Variants in MYH11 observed in about 807,000 individuals in gnomAD.
MYH11 encodes myosin-11.
Under a neutral mutation model 246.6 loss-of-function variants are expected in MYH11, and 80 were observed. The observed-to-expected ratio is 0.32, with a 90% CI of 0.27 to 0.39. The LOEUF (loss-of-function observed/expected upper bound fraction) is 0.39, where lower values mean the gene tolerates loss of function less well. MYH11 is among the 10% of genes least tolerant of loss of function. The pLI, the probability that MYH11 is intolerant of heterozygous loss-of-function variation, is 1.00. For missense variants in MYH11, 2,158 were observed against 2,546.8 expected (o/e 0.85, Z 3.29); for synonymous variants, 1,071 against 1,015.5 (o/e 1.05, Z -1.04).
chr16:15,844,155 G>A (rs1226986568), intron 1 of MYH11, among the ~76,000 whole-genome samples: 2 of 152,140 alleles, frequency 1.3e-5, no homozygotes, highest in East Asian at 1.9e-4. Flanking sequence ...CAGATCTGAC[G>A]CCTGTCTATG....
intron 30 of MYH11, 39 bp downstream of exon 30, chr16:15,724,606 TGA>T (rs1360236324): frequency 6.2e-7 from 1 of 1,612,656 alleles, no homozygotes; most frequent in African/African-American, 1.3e-5. Context: ...GCAGAGAAGT[TGA>T]GAGGACCCAT....
In MYH11 at chr16:15,721,514, A is replaced by C. The variant is rs568507502; in HGVS notation, c.4486T>G (p.Leu1496Val). Reference sequence around the variant, plus strand: ...CGCTCGAGTTCCTCTTTGGCTTCCAAGGCCTCTTCAAGGGCCCGAGCCAGG... The same window carrying C: ...CGCTCGAGTTCCTCTTTGGCTTCCACGGCCTCTTCAAGGGCCCGAGCCAGG... ...LSLARALEEA[L>V]EAKEELERTN... Residue 1496 changes from leucine to valine, a missense_variant, in exon 32 of 41, where the codon TTG becomes GTG. This residue lies in a region of MYH11 where 1,013 missense variants were observed against 993.5 expected (regional missense o/e 1.02). Transcript: ENST00000300036. The C allele has an allele frequency of 1.2e-6, 2 of 1,614,124 alleles. No individual in the cohort carries two copies. The highest frequency in any genetic ancestry group is 2.2e-5 in the South Asian group (2 of 91,080).
chr16:15,715,031 C>T lies in MYH11; in HGVS notation c.5664G>A (p.Glu1888=). Residue 1888 remains glutamate, a synonymous_variant, in exon 40 of 41, where the codon GAG becomes GAA. Transcript: ENST00000300036. ...RVKQLKRQLE[E]AEEESQRINA... Reference sequence around the variant, plus strand: ...TGATGCGCTGGGACTCCTCCTCTGCCTCCTCCAGCTGCCTCTTGAGCTGCT... The same window carrying T: ...TGATGCGCTGGGACTCCTCCTCTGCTTCCTCCAGCTGCCTCTTGAGCTGCT... 2 of 1,613,874 alleles carry T rather than the reference C, an allele frequency of 1.2e-6. No individual in the cohort carries two copies. Among genetic ancestry groups the T allele is most frequent in the East Asian group, 2.2e-5 (1 of 44,876 alleles).
chr16:15,718,159 AGGG>A, intron 37 of MYH11, 153 bp downstream of exon 37: 1 of 1,170,634 alleles, frequency 8.5e-7, no homozygotes, highest in Admixed American at 1.9e-5. Flanking sequence ...CACTGGTGTA[AGGG>A]CCCTGGATCT....
rs772078130 is a variant in MYH11 at position 15,778,816 on chromosome 16, C to T, written c.754G>A (p.Val252Ile). The T allele has an allele frequency of 3.7e-6, 6 of 1,614,076 alleles. No homozygotes were observed. Among genetic ancestry groups the T allele is most frequent in the South Asian group, 3.3e-5 (3 of 91,070 alleles). ...FGKFIRINFD[V>I]TGYIVGANIE... ...TTGGCTCCCACGATGTAACCCGTGA[C>T]GTCGAAGTTGATGCGGATGAATTTG... Residue 252 changes from valine to isoleucine, a missense_variant, in exon 7 of 41, where the codon GTC becomes ATC. Val to Ile is a conservative substitution (Grantham distance 29, BLOSUM62 3). Transcript: ENST00000300036.
chr16:15,829,834 C>T (rs2043681117), intron 2 of MYH11, among the ~76,000 whole-genome samples: 1 of 152,136 alleles, frequency 6.6e-6, no homozygotes, highest in Non-Finnish European at 1.5e-5. Flanking sequence ...GGAACACTGG[C>T]TTTCAGACAC....
intron 14 of MYH11, among the ~76,000 whole-genome samples, chr16:15,755,703 C>T (rs1192328457): frequency 2.0e-5 from 3 of 152,132 alleles, no homozygotes; most frequent in South Asian, 2.1e-4. Context: ...GAGGCCGAGG[C>T]GGGTGGATCA....
intron 11 of MYH11, 100 bp from the exon 12 acceptor site, chr16:15,759,828 T>G: frequency 6.9e-7 from 1 of 1,442,354 alleles, no homozygotes; most frequent in African/African-American, 1.4e-5. Context: ...CCGGGTGCAG[T>G]GACTCACACT....
chr16:15,772,692 G>T (rs866779538), intron 8 of MYH11, among the ~76,000 whole-genome samples: 31 of 152,206 alleles, frequency 2.0e-4, no homozygotes, highest in Middle Eastern at 6.8e-3. Flanking sequence ...GACCAGTACC[G>T]GTCCATGTTA....
rs554671949 is a variant in MYH11 at position 15,726,041 on chromosome 16, T to C, written c.3858+807A>G. On this transcript the variant is annotated intron_variant, in intron 28 of 40. Coordinates refer to ENST00000300036, the MANE Select transcript of MYH11 (RefSeq NM_002474.3). ...TAATTTTTCTACTTACCACAGGGCC[T>C]TTGCACACGCTGTTCCCTCTGCCTG... is the stretch of plus-strand genomic sequence containing the variant. The C allele has an allele frequency of 1.3e-4, 29 of 222,810 alleles. No individual in the cohort carries two copies. In the East Asian group the frequency reaches 2.3e-3, roughly 18 times the overall value. 13.8% of individuals were successfully genotyped at this position (222,810 alleles called of 1,614,324 possible).
chr16:15,768,573 G>A (rs778474599), intron 9 of MYH11, among the ~76,000 whole-genome samples: 4 of 152,146 alleles, frequency 2.6e-5, no homozygotes, highest in East Asian at 1.9e-4. Flanking sequence ...GCACGCCATC[G>A]TCTGAATGCT....
At chr16:15,793,606 T>C (rs1021360214) in intron 4 of MYH11, among the ~76,000 whole-genome samples, 1 of 144,416 alleles carries the variant, frequency 6.9e-6, no homozygotes, top group Non-Finnish European at 1.5e-5. Flanking sequence ...TTTCAGTTTC[T>C]TTTCTTTTCT....
At chr16:15,798,624 CAA>C (rs372435652) in intron 4 of MYH11, 34 bp downstream of exon 4, 20 of 871,008 alleles carry the variant, frequency 2.3e-5, no homozygotes, top group Non-Finnish European at 2.1e-5. Flanking sequence ...AAAAAAAAAA[CAA>C]AAAAAAAACA....
At chr16:15,725,148 AACAC>A (rs34909724) in intron 28 of MYH11, 156 bp from the exon 29 acceptor site, 72 of 608,202 alleles carry the variant, frequency 1.2e-4, no homozygotes, top group South Asian at 2.3e-4. Flanking sequence ...AAAAAAAAAA[AACAC>A]ACACACACAC....
chr16:15,724,821 G>A (rs1293684734), intron 29 of MYH11, 22 bp from the exon 30 acceptor site: 1 of 1,613,662 alleles, frequency 6.2e-7, no homozygotes, highest in Non-Finnish European at 8.5e-7. Context: ...ATGCAAAGAG[G>A]TCCCAGGGAC....
intron 2 of MYH11, among the ~76,000 whole-genome samples, chr16:15,828,247 G>A (rs958952184): frequency 3.3e-5 from 5 of 152,282 alleles, no homozygotes; most frequent in African/African-American, 9.6e-5. Context: ...GATAATGCTC[G>A]AAAAGCATTT....
At chr16:15,713,721 G>A (rs748842384) in intron 40 of MYH11, 2 of 152,270 alleles carry the variant, frequency 1.3e-5, no homozygotes, top group Non-Finnish European at 1.5e-5. Flanking sequence ...TGAGCTCAAA[G>A]CGATTCACCT....
At chr16:15,788,816 G>T (rs931877255) in intron 4 of MYH11, among the ~76,000 whole-genome samples, 10 of 112,914 alleles carry the variant, frequency 8.9e-5, no homozygotes, top group Admixed American at 4.5e-4. Flanking sequence ...GTGTGTGTGT[G>T]TGTGTGTGTG....
rs140789717 is a variant in MYH11 at position 15,704,024 on chromosome 16, G to A, written c.5886C>T (p.Asp1962=). The change falls in exon 41 of 41, where the codon GAC becomes GAT. Residue 1962 remains aspartate, a synonymous_variant. Transcript: ENST00000300036. ...TGGCCTTGGTTCCATTGAAGTCTGC[G>A]TCTCGAGTGTCCGTTTCCTCCTCAG... ...DGSEEETDTR[D]ADFNGTKASE is the part of the protein sequence containing the mutation. 121 of 1,614,032 alleles carry A rather than the reference G, an allele frequency of 7.5e-5. No homozygotes were observed. The highest frequency in any genetic ancestry group is 1.2e-4 in the African/African-American group (9 of 74,992).
Sources: gnomAD v4.1 joint callset for allele counts (sites outside exome capture counted in the v4.1 genomes callset) on GRCh38, gnomAD v4.1.1 for gene constraint, gnomAD v4.1.1 regional missense constraint, MANE v1.5 for transcripts, NCBI Gene and HGNC (gene_info 2026-07-23, HGNC 2026-07-21) for gene names.